CDC25C: variants seen among roughly 807,000 people sequenced by gnomAD.
The protein encoded by CDC25C is M-phase inducer phosphatase 3.
Under a neutral mutation model 52.5 loss-of-function variants are expected in CDC25C, and 48 were observed. The ratio of observed to expected loss-of-function variants is 0.91; its 90% CI spans 0.72 to 1.16. The LOEUF (loss-of-function observed/expected upper bound fraction) is 1.16, where lower values mean the gene tolerates loss of function less well. Among genes scored for constraint, CDC25C ranks in the 50% most tolerant of loss-of-function variants. The probability of loss-of-function intolerance (pLI) is 0.00; values close to 1 mark genes in which losing one functional copy is unlikely to be tolerated. For missense variants in CDC25C, 510 were observed against 566.1 expected, an observed-to-expected ratio of 0.90 and a Z score of 1.01; for synonymous variants, 187 against 206.5, an observed-to-expected ratio of 0.91 and a Z score of 0.81.
Position 138,286,580 on chromosome 5 carries a change from C to T in CDC25C, c.1077G>A (p.Lys359=). The T allele has an allele frequency of 6.2e-7, 1 of 1,613,780 alleles. No homozygotes were observed. The highest frequency in any genetic ancestry group is 8.5e-7 in the Non-Finnish European group (1 of 1,179,742). ...GGGTGTCCAAAGGGACGATGGGCTTCTTCAGAAAGAAGTTAAACAGTTCTT... is the reference window on the plus strand; with the variant it reads ...GGGTGTCCAAAGGGACGATGGGCTTTTTCAGAAAGAAGTTAAACAGTTCTT... ...SQEELFNFFL[K]KPIVPLDTQK... is the part of the protein sequence containing the mutation. The change falls in exon 12 of 14, where the codon AAG becomes AAA. Residue 359 remains lysine, a synonymous_variant. Transcript: ENST00000323760.
At chr5:138,322,262 A>C (rs566711614) in intron 6 of CDC25C, among the ~76,000 whole-genome samples, 1 of 148,770 alleles carries the variant, frequency 6.7e-6, no homozygotes, top group Non-Finnish European at 1.5e-5. Context: ...CGGCCTCCCA[A>C]AGTGATGGGA....
intron 4 of CDC25C, 118 bp from the exon 5 acceptor site, chr5:138,326,172 G>T: frequency 1.0e-6 from 1 of 999,974 alleles, no homozygotes; most frequent in Non-Finnish European, 1.6e-6. Flanking sequence ...ATTCCTAGTT[G>T]ATATGTCTCT....
chr5:138,308,114 G>A (rs1359368037), intron 7 of CDC25C, among the ~76,000 whole-genome samples: 2 of 152,144 alleles, frequency 1.3e-5, no homozygotes, highest in Admixed American at 6.6e-5. Context: ...ACTTCCTACT[G>A]TGCGGCCCGG....
intron 7 of CDC25C, among the ~76,000 whole-genome samples, chr5:138,316,176 G>C (rs1280672284): frequency 6.6e-6 from 1 of 152,200 alleles, no homozygotes; most frequent in Non-Finnish European, 1.5e-5. Flanking sequence ...TCTGCAGCCT[G>C]CACCCTTGGG....
chr5:138,285,585 G>A lies in CDC25C; in HGVS notation c.*107C>T, dbSNP rs577197574. The A allele has an allele frequency of 1.3e-5, 13 of 1,032,950 alleles. No individual in the cohort carries two copies. Among genetic ancestry groups the A allele is most frequent in the Admixed American group, 1.2e-4 (6 of 49,070 alleles). The allele number at this position is 1,032,950 out of a possible 1,614,324, so 64.0% of individuals were successfully genotyped here. A position where few individuals can be genotyped will look rare whatever the true frequency, so the allele number is the denominator to read the frequency against. ...AGTTGGTAGCCTGTTGGTTTGCAGAGACATCTTTTAATAATCTTGGGTTTG... is the reference window on the plus strand; with the variant it reads ...AGTTGGTAGCCTGTTGGTTTGCAGAAACATCTTTTAATAATCTTGGGTTTG... On this transcript the variant is annotated 3_prime_UTR_variant, in exon 14 of 14. Transcript: ENST00000323760.
rs540421906 is a variant in CDC25C at position 138,318,712 on chromosome 5, CT to C, written c.615+506del. On this transcript the variant is annotated intron_variant, in intron 7 of 13. Coordinates refer to ENST00000323760, the MANE Select transcript of CDC25C (RefSeq NM_001790.5). Reference sequence around the variant, plus strand: ...CCTAGGCGACAGAGCGAGAATCTGTCTTAAAAAAAACAAACAACAAAAAAAA... The same window carrying C: ...CCTAGGCGACAGAGCGAGAATCTGTCTAAAAAAAACAAACAACAAAAAAAA... 3.3e-3 allele frequency among the ~76,000 whole-genome samples: 503 copies of C among 151,980 alleles called. 1 individual carries two copies. Among genetic ancestry groups the C allele is most frequent in the African/African-American group, 0.012 (483 of 41,452 alleles).
At position 138,325,881 on chromosome 5, in the gene CDC25C, C is replaced by A. The variant is rs777224883; in HGVS notation, c.393G>T (p.Pro131=). Residue 131 remains proline, a synonymous_variant, in exon 6 of 14, where the codon CCG becomes CCT. Transcript: ENST00000323760. ...TTCTATGGCCACGGTCCAAACCATTCGGAGTGCTACAAAGAAGCTGTGCCT... is the reference window on the plus strand; with the variant it reads ...TTCTATGGCCACGGTCCAAACCATTAGGAGTGCTACAAAGAAGCTGTGCCT... ...CSPAQLLCST[P]NGLDRGHRKR... is the part of the protein sequence containing the mutation. 2 of 1,614,096 alleles carry A rather than the reference C, an allele frequency of 1.2e-6. No individual in the cohort carries two copies. Among genetic ancestry groups the A allele is most frequent in the African/African-American group, 1.3e-5 (1 of 75,024 alleles).
At chr5:138,287,545 C>T (rs1470727783) in intron 10 of CDC25C, among the ~76,000 whole-genome samples, 2 of 152,202 alleles carry the variant, frequency 1.3e-5, no homozygotes, top group African/African-American at 4.8e-5. Flanking sequence ...CATGGCTGGA[C>T]TCAGGAGATG....
chr5:138,285,687 T>C lies in CDC25C; in HGVS notation c.*5A>G. ...ACTTGTTAGCAGCCAGTGGCTGGAA[T>C]GTTATCATGGGCTCATGTCCTTCAC... is the stretch of plus-strand genomic sequence containing the variant. On this transcript the variant is annotated 3_prime_UTR_variant, in exon 14 of 14. Coordinates refer to ENST00000323760, the MANE Select transcript of CDC25C (RefSeq NM_001790.5). 6.2e-7 allele frequency: 1 copy of C among 1,613,436 alleles called. No individual in the cohort carries two copies. The highest frequency in any genetic ancestry group is 8.5e-7 in the Non-Finnish European group (1 of 1,179,766).
chr5:138,322,928 ATTATTT>A (rs1338183298), intron 6 of CDC25C, among the ~76,000 whole-genome samples: 2 of 149,652 alleles, frequency 1.3e-5, no homozygotes, highest in African/African-American at 4.9e-5. Context: ...GCCACTACTA[ATTATTT>A]TTATTTTTAT....
upstream of CDC25C, among the ~76,000 whole-genome samples, chr5:138,334,195 A>G (rs1432473345): frequency 6.6e-6 from 1 of 151,908 alleles, no homozygotes; most frequent in East Asian, 1.9e-4. Flanking sequence ...CGGCCTCCCA[A>G]AGTGCTGGGA....
Position 138,308,779 on chromosome 5 carries a change from T to TA in CDC25C, c.615+10439dup, listed in dbSNP as rs527354478. Among the ~76,000 whole-genome samples, 4 of 152,188 alleles carry TA rather than the reference T, an allele frequency of 2.6e-5. No homozygotes were observed. In the South Asian group the frequency reaches 8.3e-4, roughly 32 times the overall value. On this transcript the variant is annotated intron_variant, in intron 7 of 13. Transcript: ENST00000323760. ...GTTATAGAACATAACGCTCAAAATT[T>TA]AGTGTATATCAGAATTACCTGGGAA...
At chr5:138,319,460 AG>A (rs1287023082) in intron 6 of CDC25C, 86 bp from the exon 7 acceptor site, 5 of 1,035,722 alleles carry the variant, frequency 4.8e-6, no homozygotes, top group Non-Finnish European at 6.7e-6. Context: ...AACTCTTAGA[AG>A]AAAAGATAAG....
At chr5:138,289,477 T>TA in intron 10 of CDC25C, 24 bp downstream of exon 10, 8 of 1,573,424 alleles carry the variant, frequency 5.1e-6, no homozygotes, top group Non-Finnish European at 7.0e-6. Flanking sequence ...TGTAACCAGT[T>TA]ACCATCTCCA....
At chr5:138,336,226 C>T (rs1009683099), upstream of CDC25C, among the ~76,000 whole-genome samples, 1 of 151,660 alleles carries the variant, frequency 6.6e-6, no homozygotes, top group African/African-American at 2.4e-5. Context: ...TCTGCCTCCC[C>T]GGTTCAAGCG....
chr5:138,298,561 C>T (rs1473670553), intron 7 of CDC25C, among the ~76,000 whole-genome samples: 1 of 151,220 alleles, frequency 6.6e-6, no homozygotes, highest in Non-Finnish European at 1.5e-5. Context: ...ACCATCCTGG[C>T]CAACATGGTG....
intron 6 of CDC25C, among the ~76,000 whole-genome samples, chr5:138,320,102 C>G (rs1016477381): frequency 6.6e-6 from 1 of 152,082 alleles, no homozygotes; most frequent in African/African-American, 2.4e-5. Context: ...GTCAGGAGTT[C>G]GAGAGCAGCC....
rs190605129 is a variant in CDC25C at position 138,286,501 on chromosome 5, G to C, written c.1156C>G (p.Arg386Gly). Residue 386 changes from arginine (R) to glycine (G), a missense_variant, in exon 12 of 14, where the codon CGA becomes GGA. Coordinates refer to ENST00000323760, the MANE Select transcript of CDC25C (RefSeq NM_001790.5). ...AGACCCCATTTAGACACTCACATTC[G>C]GGGGCCCCTCTCTGAGGAGAATTCA... ...HCEFSSERGPRMCRCLREEDR... is the reference protein window; with the variant it reads ...HCEFSSERGPGMCRCLREEDR... 6.2e-7 allele frequency: 1 copy of C among 1,609,922 alleles called. No individual in the cohort carries two copies. Among genetic ancestry groups the C allele is most frequent in the East Asian group, 2.2e-5 (1 of 44,794 alleles).
intron 9 of CDC25C, 75 bp from the exon 10 acceptor site, chr5:138,289,638 CCTT>C (rs1561668123): frequency 4.0e-6 from 5 of 1,260,066 alleles, no homozygotes; most frequent in African/African-American, 1.5e-5. Flanking sequence ...CTTATTTTGT[CCTT>C]CTTTCCAAGT....
Sources: allele counts gnomAD v4.1 joint callset (sites outside exome capture counted in the v4.1 genomes callset), GRCh38; gene constraint gnomAD v4.1.1; transcripts MANE v1.5; gene names NCBI Gene and HGNC (gene_info 2026-07-23, HGNC 2026-07-21).